The following FABP12 variants were observed in gnomAD, a reference collection of about 807,000 sequenced individuals.
FABP12 encodes the protein fatty acid binding protein 12, also known as fatty acid-binding protein 12.
FABP12 carries 19 observed loss-of-function variants against 13.7 expected under a neutral mutation model. The ratio of observed to expected loss-of-function variants is 1.39; its 90% CI spans 0.97 to 2.04. The LOEUF (loss-of-function observed/expected upper bound fraction) is 2.04, where lower values mean the gene tolerates loss of function less well. FABP12 is among the 30% of genes most tolerant of loss of function. The pLI is 0.00. For synonymous variants in FABP12, 61 were observed against 57.0 expected, an observed-to-expected ratio of 1.07 and a Z score of -0.32; for missense variants, 182 against 164.2, an observed-to-expected ratio of 1.11 and a Z score of -0.59.
chr8:81,545,267 G>A (rs1055495704), intron 1 of FABP12, among the ~76,000 whole-genome samples: 29 of 152,138 alleles, frequency 1.9e-4, no homozygotes, highest in Admixed American at 3.9e-4. Context: ...AAAGGGCCTC[G>A]TGCTCCATTC....
At chr8:81,579,199 C>CT (rs33956590) in intron 1 of FABP12, among the ~76,000 whole-genome samples, 16,199 of 147,338 alleles carry the variant, frequency 0.11, 1,064 homozygotes, top group East Asian at 0.26. Context: ...AAGAGAAAAA[C>CT]TTTTTTTTTT....
chr8:81,582,587 C>T (rs1810182378), intron 1 of FABP12, among the ~76,000 whole-genome samples: 1 of 151,474 alleles, frequency 6.6e-6, no homozygotes, highest in Non-Finnish European at 1.5e-5. Flanking sequence ...GACTTTAAGT[C>T]AAAAATAGTA....
intron 1 of FABP12, among the ~76,000 whole-genome samples, chr8:81,561,330 G>C (rs886563877): frequency 6.6e-6 from 1 of 152,054 alleles, no homozygotes; most frequent in Non-Finnish European, 1.5e-5. Context: ...AGAACCCACT[G>C]GCAAAAAATA....
intron 2 of FABP12, among the ~76,000 whole-genome samples, chr8:81,530,661 T>C (rs1410064369): frequency 1.3e-5 from 2 of 152,360 alleles, no homozygotes; most frequent in East Asian, 3.8e-4. Flanking sequence ...CCTGTGAATG[T>C]TACCTTTACA....
chr8:81,529,476 C>T (rs555788593), exon 3 of FABP12: 1 of 1,613,942 alleles, frequency 6.2e-7, no homozygotes, highest in Non-Finnish European at 8.5e-7. Context: ...TCCTCAAACT[C>T]TTCTCCCAGC....
chr8:81,584,854 G>GA (rs1353316376), intron 1 of FABP12, among the ~76,000 whole-genome samples: 10 of 152,162 alleles, frequency 6.6e-5, no homozygotes, highest in African/African-American at 2.2e-4. Flanking sequence ...ACTGGTGTGA[G>GA]ATGATATCTA....
intron 4 of FABP12, among the ~76,000 whole-genome samples, chr8:81,525,646 G>A (rs1032097061): frequency 7.3e-5 from 11 of 151,344 alleles, no homozygotes; most frequent in Admixed American, 1.3e-4. Flanking sequence ...CCTATGTATG[G>A]CGAATCACAT....
chr8:81,584,894 G>T (rs865882338), intron 1 of FABP12, among the ~76,000 whole-genome samples: 2 of 152,074 alleles, frequency 1.3e-5, no homozygotes, highest in South Asian at 2.1e-4. Flanking sequence ...TTCTCTGATG[G>T]TTAGTGGTGT....
At chr8:81,549,840 G>C (rs1236260431) in intron 1 of FABP12, among the ~76,000 whole-genome samples, 1 of 152,156 alleles carries the variant, frequency 6.6e-6, no homozygotes, top group Non-Finnish European at 1.5e-5. Context: ...AAGAACACTA[G>C]AAATTTTGTA....
intron 3 of FABP12, among the ~76,000 whole-genome samples, chr8:81,527,991 T>C (rs548344671): frequency 1.3e-5 from 2 of 152,204 alleles, no homozygotes; most frequent in African/African-American, 4.8e-5. Flanking sequence ...CATGTGAAAC[T>C]AATTCAAACT....
chr8:81,540,153 C>T (rs1160108212), intron 1 of FABP12, among the ~76,000 whole-genome samples: 3 of 152,218 alleles, frequency 2.0e-5, no homozygotes, highest in Admixed American at 6.5e-5. Context: ...GGCGGCATCA[C>T]CATCACCAAA....
intron 1 of FABP12, among the ~76,000 whole-genome samples, chr8:81,569,775 C>T (rs1809890407): frequency 6.6e-6 from 1 of 152,178 alleles, no homozygotes; most frequent in Admixed American, 6.5e-5. Flanking sequence ...AAAAGCATTC[C>T]CTCCAGGTAA....
In FABP12 at chr8:81,570,947, C is replaced by A. The variant is rs139146811; in HGVS notation, c.-185+19106G>T. ...AAGATGGGACCTCACAGGGACCCAC[C>A]CCCTTCTGCCCAGGAGCCCGTATGC... On this transcript the variant is annotated intron_variant, in intron 1 of 5. Transcript: ENST00000692030. Among the ~76,000 whole-genome samples the A allele has an allele frequency of 9.5e-3, 1,440 of 152,144 alleles. 5 individuals are homozygous for A. The highest frequency in any genetic ancestry group is 0.016 in the Non-Finnish European group (1,093 of 67,974).
At chr8:81,566,061 T>C (rs1358271947) in intron 1 of FABP12, among the ~76,000 whole-genome samples, 1 of 151,864 alleles carries the variant, frequency 6.6e-6, no homozygotes, top group Non-Finnish European at 1.5e-5. Flanking sequence ...AATTGGAAAA[T>C]CTAGAGGACA....
intron 1 of FABP12, among the ~76,000 whole-genome samples, chr8:81,585,767 G>A (rs918080439): frequency 4.0e-5 from 6 of 151,530 alleles, no homozygotes; most frequent in African/African-American, 1.5e-4. Context: ...CTGTTTTATT[G>A]GTTTTTTTAA....
At chr8:81,562,351 G>T (rs1056274477) in intron 1 of FABP12, among the ~76,000 whole-genome samples, 1 of 152,140 alleles carries the variant, frequency 6.6e-6, no homozygotes. Context: ...TCCCACCTTG[G>T]GTGGCTGTGG....
In FABP12 at chr8:81,529,332, C is replaced by T. The variant is rs762616321; in HGVS notation, c.246+106G>A. ...TAGACCTATGTTTTAGACAAAAGTT[C>T]CTCTTAAGGACTTTAGATATGTTTG... On this transcript the variant is annotated intron_variant, in intron 3 of 4. Transcript: ENST00000360464. 29 of 1,102,612 alleles carry T rather than the reference C, an allele frequency of 2.6e-5. No individual in the cohort carries two copies. The African/African-American group carries it at 2.9e-4, about 11-fold the overall frequency. 68.3% of individuals were successfully genotyped at this position (1,102,612 alleles called of 1,614,324 possible).
intron 1 of FABP12, among the ~76,000 whole-genome samples, chr8:81,556,074 G>A (rs544498958): frequency 1.0e-3 from 153 of 152,212 alleles, no homozygotes; most frequent in African/African-American, 3.6e-3. Flanking sequence ...CTTGGTATTT[G>A]TAAATCATTT....
rs1176703955 is a variant in FABP12 at position 81,567,948 on chromosome 8, C to T, written c.-185+22105G>A. On this transcript the variant is annotated intron_variant, in intron 1 of 5. Coordinates refer to the FABP12 transcript ENST00000692030. ...CATCCTGGCGAACAAGGTGAAACCC[C>T]GTCTCTACTAAAAATACAAAAAAAA... Among the ~76,000 whole-genome samples, 7 of 152,004 alleles carry T rather than the reference C, an allele frequency of 4.6e-5. No individual in the cohort carries two copies. In the East Asian group the frequency reaches 9.7e-4, roughly 21 times the overall value.
Sources: allele counts gnomAD v4.1 joint callset (sites outside exome capture counted in the v4.1 genomes callset), GRCh38; gene constraint gnomAD v4.1.1; transcripts MANE v1.5; gene names NCBI Gene and HGNC (gene_info 2026-07-23, HGNC 2026-07-21).